TNR: variants seen among roughly 807,000 people sequenced by gnomAD.
TNR encodes tenascin-R.
A neutral mutation model predicts 150.4 loss-of-function variants in TNR; 45 were observed. The observed-to-expected ratio is 0.30, with a 90% CI of 0.24 to 0.38. TNR has a LOEUF of 0.38. Among genes scored for constraint, TNR ranks in the 10% least tolerant of loss-of-function variants. TNR has a pLI of 1.00. For missense variants in TNR, 1,544 were observed against 1,759.1 expected (o/e 0.88, Z 2.19); for synonymous variants, 687 against 678.4 (o/e 1.01, Z -0.20).
chr1:175,716,163 C>G (rs1342021500), intron 1 of TNR, among the ~76,000 whole-genome samples: 1 of 152,208 alleles, frequency 6.6e-6, no homozygotes, highest in Admixed American at 6.5e-5. Flanking sequence ...GCCCTCTGGT[C>G]TTCTCTTTCT....
chr1:175,730,085 T>C (rs1247039573), intron 1 of TNR, among the ~76,000 whole-genome samples: 3 of 152,158 alleles, frequency 2.0e-5, no homozygotes. Context: ...AATTCCAGTC[T>C]CCTTTTTCAG....
intron 1 of TNR, among the ~76,000 whole-genome samples, chr1:175,673,820 A>G (rs780757846): frequency 6.6e-6 from 1 of 152,242 alleles, no homozygotes; most frequent in Non-Finnish European, 1.5e-5. Flanking sequence ...AAAAGCAATC[A>G]GTGTATAGTT....
intron 20 of TNR, among the ~76,000 whole-genome samples, chr1:175,330,790 C>A (rs984765482): frequency 6.6e-6 from 1 of 152,216 alleles, no homozygotes; most frequent in Admixed American, 6.5e-5. Context: ...GAATATTATT[C>A]TCTGCCTCCT....
intron 1 of TNR, among the ~76,000 whole-genome samples, chr1:175,655,959 C>G (rs1230922244): frequency 6.6e-6 from 1 of 152,166 alleles, no homozygotes; most frequent in Non-Finnish European, 1.5e-5. Flanking sequence ...GTGCTGTCCA[C>G]AGGCTCAAGT....
At chr1:175,582,299 ACT>A (rs1195541562) in intron 1 of TNR, among the ~76,000 whole-genome samples, 1 of 152,192 alleles carries the variant, frequency 6.6e-6, no homozygotes, top group Non-Finnish European at 1.5e-5. Flanking sequence ...AAGAGCTAGG[ACT>A]CACTGTAGTT....
At chr1:175,504,620 G>T (rs1658875962) in intron 2 of TNR, among the ~76,000 whole-genome samples, 1 of 152,106 alleles carries the variant, frequency 6.6e-6, no homozygotes, top group Non-Finnish European at 1.5e-5. Context: ...GTCCCTGTGG[G>T]TCACTCCCCT....
chr1:175,665,768 A>C (rs1177236259), intron 1 of TNR, among the ~76,000 whole-genome samples: 1 of 152,238 alleles, frequency 6.6e-6, no homozygotes, highest in Non-Finnish European at 1.5e-5. Context: ...CACCTTTTCC[A>C]GTCCTAAGTG....
chr1:175,406,183 C>G (rs1367906026), intron 3 of TNR, 33 bp downstream of exon 3: 1 of 1,599,192 alleles, frequency 6.3e-7, no homozygotes, highest in Non-Finnish European at 8.5e-7. Flanking sequence ...TCCTTCCCCT[C>G]CTGAGACCAC....
intron 1 of TNR, among the ~76,000 whole-genome samples, chr1:175,667,218 C>T (rs879357535): frequency 6.6e-6 from 1 of 152,218 alleles, no homozygotes; most frequent in Non-Finnish European, 1.5e-5. Flanking sequence ...ATCCTCTGTG[C>T]TCTCCCCACA....
intron 2 of TNR, among the ~76,000 whole-genome samples, chr1:175,496,191 T>C (rs1319584334): frequency 6.6e-6 from 1 of 152,148 alleles, no homozygotes; most frequent in Non-Finnish European, 1.5e-5. Context: ...TACTAGAAAA[T>C]GGTATCTGTG....
intron 2 of TNR, among the ~76,000 whole-genome samples, chr1:175,526,129 G>A (rs1659840598): frequency 6.6e-6 from 1 of 151,822 alleles, no homozygotes; most frequent in Non-Finnish European, 1.5e-5. Flanking sequence ...TTCCTTTTTG[G>A]GAGTGAACCC....
chr1:175,439,174 G>C (rs2102078946), intron 2 of TNR, among the ~76,000 whole-genome samples: 1 of 152,116 alleles, frequency 6.6e-6, no homozygotes, highest in Non-Finnish European at 1.5e-5. Flanking sequence ...TACCAAAACA[G>C]AGATATAGAC....
At chr1:175,458,141 T>C (rs1004244077) in intron 2 of TNR, among the ~76,000 whole-genome samples, 5 of 152,216 alleles carry the variant, frequency 3.3e-5, no homozygotes, top group African/African-American at 9.6e-5. Context: ...ATGCTAGGTA[T>C]TGTAGCAGTA....
chr1:175,487,724 G>T (rs7526745), intron 2 of TNR, among the ~76,000 whole-genome samples: 1 of 152,140 alleles, frequency 6.6e-6, no homozygotes, highest in Non-Finnish European at 1.5e-5. Context: ...CAAAGACTTC[G>T]TAGGAATCAT....
At chr1:175,485,913 A>G (rs1233539863) in intron 2 of TNR, among the ~76,000 whole-genome samples, 1 of 152,146 alleles carries the variant, frequency 6.6e-6, no homozygotes, top group Non-Finnish European at 1.5e-5. Context: ...GTTCATGAGG[A>G]ACGTATTGTC....
intron 18 of TNR, among the ~76,000 whole-genome samples, chr1:175,353,480 G>C (rs1651161730): frequency 6.6e-6 from 1 of 152,194 alleles, no homozygotes; most frequent in East Asian, 1.9e-4. Flanking sequence ...CTGACTTAAG[G>C]AGGGAAGGCA....
chr1:175,365,135 G>A lies in TNR; in HGVS notation c.2462C>T (p.Ser821Phe), dbSNP rs1454176598. Reference protein sequence around the residue: ...RDEEEEMMEVSLDATKRHAVL... With the variant: ...RDEEEEMMEVFLDATKRHAVL... ...AGCATGCCTCTTGGTGGCATCCAGG[G>A]AGACCTCCATCATCTCTTCCTCCTC... The change falls in exon 12 of 23, where the codon TCC becomes TTC. Residue 821 changes from serine (S) to phenylalanine (F), a missense_variant. Ser to Phe is a radical substitution (Grantham distance 155). Around this residue, in one of 2 missense-constraint regions of TNR, gnomAD observed 1,254 missense variants for 1,329.4 expected, o/e 0.94. Coordinates refer to ENST00000367674, the MANE Select transcript of TNR (RefSeq NM_003285.3). 6.2e-7 allele frequency: 1 copy of A among 1,614,120 alleles called. No individual in the cohort carries two copies. Among genetic ancestry groups the A allele is most frequent in the Admixed American group, 1.7e-5 (1 of 60,018 alleles).
intron 1 of TNR, among the ~76,000 whole-genome samples, chr1:175,624,113 G>T (rs1664068123): frequency 6.6e-6 from 1 of 152,226 alleles, no homozygotes; most frequent in Admixed American, 6.5e-5. Context: ...CACCTTCAGA[G>T]ATTCATTCAT....
intron 1 of TNR, among the ~76,000 whole-genome samples, chr1:175,608,645 G>A (rs1195151755): frequency 6.6e-6 from 1 of 152,162 alleles, no homozygotes; most frequent in African/African-American, 2.4e-5. Flanking sequence ...GATATAGCAT[G>A]TTCAAGGAGC....
Sources: allele counts gnomAD v4.1 joint callset (sites outside exome capture counted in the v4.1 genomes callset), GRCh38; gene constraint gnomAD v4.1.1; regional missense constraint gnomAD v4.1.1; transcripts MANE v1.5; gene names NCBI Gene and HGNC (gene_info 2026-07-23, HGNC 2026-07-21).